The following CAMTA1 variants were observed in gnomAD, a reference collection of about 807,000 sequenced individuals.
CAMTA1 encodes calmodulin binding transcription activator 1.
In CAMTA1, 27 loss-of-function variants were observed where a neutral mutation model predicts 170.9. The observed-to-expected ratio is 0.16, with a 90% CI of 0.12 to 0.22. The LOEUF (loss-of-function observed/expected upper bound fraction) is 0.22. Ranked by LOEUF, CAMTA1 falls within the 10% of genes least tolerant of loss-of-function variation. The pLI, the probability that CAMTA1 is intolerant of heterozygous loss-of-function variation, is 1.00. For synonymous variants in CAMTA1, 833 were observed against 891.5 expected (o/e 0.93, Z 1.17); for missense variants, 1,619 against 2,217.2 (o/e 0.73, Z 5.42).
At chr1:7,533,574 C>G (rs905954896) in intron 6 of CAMTA1, among the ~76,000 whole-genome samples, 1 of 152,132 alleles carries the variant, frequency 6.6e-6, no homozygotes, top group African/African-American at 2.4e-5. Context: ...GGGGTGTGGA[C>G]AGTTGGGGTC....
At chr1:7,473,414 CAAG>C (rs753648073) in intron 6 of CAMTA1, among the ~76,000 whole-genome samples, 2 of 152,200 alleles carry the variant, frequency 1.3e-5, no homozygotes, top group Non-Finnish European at 2.9e-5. Context: ...GGGGCTCCCC[CAAG>C]GAGGAGGAGG....
chr1:7,617,311 CAG>C (rs1340656837), intron 6 of CAMTA1, among the ~76,000 whole-genome samples: 1 of 152,172 alleles, frequency 6.6e-6, no homozygotes, highest in African/African-American at 2.4e-5. Context: ...GAAGAGATGA[CAG>C]AGCACAAAAG....
At chr1:7,740,125 A>G (rs2096801100) in intron 16 of CAMTA1, among the ~76,000 whole-genome samples, 1 of 152,252 alleles carries the variant, frequency 6.6e-6, no homozygotes, top group African/African-American at 2.4e-5. Flanking sequence ...CAGCCAAACC[A>G]TATCACCTAC....
intron 4 of CAMTA1, among the ~76,000 whole-genome samples, chr1:7,163,594 A>C (rs556382969): frequency 6.6e-6 from 1 of 152,182 alleles, no homozygotes; most frequent in African/African-American, 2.4e-5. Flanking sequence ...CAAGGAGGAC[A>C]TCAATTTAGC....
rs542958736 is a variant in CAMTA1, at chr1:7,027,571, T to C, written c.235-63733T>C. ...TTTGGTGGCAGATGCGGTGACGCCC[T>C]GGCTGGTAGTGTTTGAACCTGGCCT... On this transcript the variant is annotated intron_variant, in intron 3 of 22. Coordinates refer to ENST00000303635, the MANE Select transcript of CAMTA1 (RefSeq NM_015215.4). 3.3e-5 allele frequency among the ~76,000 whole-genome samples: 5 copies of C among 152,360 alleles called. No individual in the cohort carries two copies. The South Asian group carries it at 1.0e-3, about 32-fold the overall frequency.
intron 7 of CAMTA1, among the ~76,000 whole-genome samples, chr1:7,657,133 C>T (rs569114284): frequency 1.8e-3 from 280 of 152,348 alleles, no homozygotes; most frequent in Non-Finnish European, 2.9e-3. Flanking sequence ...GCCAGTGTGA[C>T]CATCCTGCCT....
chr1:7,374,702 C>T (rs2086717345), intron 5 of CAMTA1, among the ~76,000 whole-genome samples: 1 of 152,348 alleles, frequency 6.6e-6, no homozygotes, highest in Admixed American at 6.5e-5. Context: ...TGCACGCTCA[C>T]CAGATACCAG....
At chr1:6,862,782 C>G (rs1328671031) in intron 3 of CAMTA1, among the ~76,000 whole-genome samples, 1 of 152,156 alleles carries the variant, frequency 6.6e-6, no homozygotes, top group Non-Finnish European at 1.5e-5. Context: ...AGAGCTTGAC[C>G]CTGGGCCTTC....
At position 7,063,457 on chromosome 1, in the gene CAMTA1, C is replaced by T. The variant is rs1211539144; in HGVS notation, c.235-27847C>T. ...AGAGAATGTTCCACGGAGCACACCT[C>T]GGGAAACACTAGTTTAGCTGCATTG... is the stretch of plus-strand genomic sequence containing the variant. On this transcript the variant is annotated intron_variant, in intron 3 of 22. Coordinates refer to ENST00000303635, the MANE Select transcript of CAMTA1 (RefSeq NM_015215.4). The surrounding 1 kb of genome is among the most constrained non-coding windows in gnomAD (Gnocchi z 4.3). Among the ~76,000 whole-genome samples the T allele has an allele frequency of 1.3e-5, 2 of 152,168 alleles. No homozygotes were observed. The highest frequency in any genetic ancestry group is 2.9e-5 in the Non-Finnish European group (2 of 68,032).
intron 5 of CAMTA1, among the ~76,000 whole-genome samples, chr1:7,398,460 A>G (rs1394218136): frequency 6.6e-6 from 1 of 151,342 alleles, no homozygotes; most frequent in Non-Finnish European, 1.5e-5. Context: ...ATGGAATATC[A>G]TTTTCCATCC....
At chr1:7,018,895 G>C (rs563224188) in intron 3 of CAMTA1, among the ~76,000 whole-genome samples, 3 of 152,286 alleles carry the variant, frequency 2.0e-5, no homozygotes, top group African/African-American at 7.2e-5. Flanking sequence ...GATCAGCAGC[G>C]GGGAGGGCAC....
At chr1:7,670,866 C>T in intron 9 of CAMTA1, 45 bp from the exon 10 acceptor site, 1 of 1,604,770 alleles carries the variant, frequency 6.2e-7, no homozygotes, top group Non-Finnish European at 8.5e-7. Flanking sequence ...CTGCCTCCCA[C>T]AGTGGCTCAC....
chr1:7,332,020 AC>A (rs2083064939), intron 5 of CAMTA1, among the ~76,000 whole-genome samples: 1 of 152,076 alleles, frequency 6.6e-6, no homozygotes, highest in Non-Finnish European at 1.5e-5. Context: ...CCACACTGAA[AC>A]CCTGTAACTC....
At chr1:7,508,243 C>T (rs1047661285) in intron 6 of CAMTA1, among the ~76,000 whole-genome samples, 13 of 152,208 alleles carry the variant, frequency 8.5e-5, no homozygotes, top group African/African-American at 3.1e-4. Flanking sequence ...GGTGGACCCT[C>T]CACAGACCCC....
intron 6 of CAMTA1, among the ~76,000 whole-genome samples, chr1:7,517,665 G>A (rs11120959): frequency 0.057 from 8,657 of 151,382 alleles, 809 homozygotes; most frequent in African/African-American, 0.18. Context: ...AGCAGGGGCT[G>A]ACGGCTGGGG....
rs539960025 is a variant in CAMTA1, at chr1:7,169,651, A to G, written c.302+78280A>G. 2.8e-3 allele frequency among the ~76,000 whole-genome samples: 419 copies of G among 152,288 alleles called. 1 individual carries two copies. The highest frequency in any genetic ancestry group is 9.8e-3 in the African/African-American group (406 of 41,554). ...CTCAGCCTCCTGAGTAGCTGAGACT[A>G]CAGGCATGCACCACCACACTCAGCT... On this transcript the variant is annotated intron_variant, in intron 4 of 22. Coordinates refer to ENST00000303635, the MANE Select transcript of CAMTA1 (RefSeq NM_015215.4).
At chr1:7,450,259 G>C (rs2092791224) in intron 5 of CAMTA1, among the ~76,000 whole-genome samples, 1 of 152,206 alleles carries the variant, frequency 6.6e-6, no homozygotes, top group Non-Finnish European at 1.5e-5. Flanking sequence ...GACCAAAAGT[G>C]AGGATGGGTG....
Position 7,460,968 on chromosome 1 carries a change from A to G in CAMTA1, c.439-6862A>G, listed in dbSNP as rs551502030. 3.3e-5 allele frequency among the ~76,000 whole-genome samples: 5 copies of G among 152,142 alleles called. No homozygotes were observed. In the East Asian group the frequency reaches 9.7e-4, roughly 30 times the overall value. ...CCTAACGTGGTGCTCTCTGACCCCTACCGGTGGCCTGGCTGCTAGGACTGG... is the reference window on the plus strand; with the variant it reads ...CCTAACGTGGTGCTCTCTGACCCCTGCCGGTGGCCTGGCTGCTAGGACTGG... On this transcript the variant is annotated intron_variant, in intron 5 of 22. Transcript: ENST00000303635.
intron 6 of CAMTA1, among the ~76,000 whole-genome samples, chr1:7,530,654 A>T (rs191935664): frequency 6.6e-6 from 1 of 152,132 alleles, no homozygotes; most frequent in Non-Finnish European, 1.5e-5. Context: ...AGTCTCTGCC[A>T]CTTTGAAGCT....
Sources: gnomAD v4.1 joint callset for allele counts (sites outside exome capture counted in the v4.1 genomes callset) on GRCh38, gnomAD v4.1.1 for gene constraint, Gnocchi (gnomAD v3.1) non-coding constraint, MANE v1.5 for transcripts, NCBI Gene and HGNC (gene_info 2026-07-23, HGNC 2026-07-21) for gene names.